The following AARS1 variants were observed in gnomAD, a reference collection of about 807,000 sequenced individuals.
AARS1 encodes the protein alanyl-tRNA synthetase 1, also known as alanine--tRNA ligase, cytoplasmic.
In AARS1, 72 loss-of-function variants were observed where a neutral mutation model predicts 108.9. The ratio of observed to expected loss-of-function variants is 0.66; its 90% CI spans 0.55 to 0.80. The LOEUF is 0.80. Ranked by LOEUF, AARS1 falls within the 30% of genes least tolerant of loss-of-function variation. The pLI, the probability that AARS1 is intolerant of heterozygous loss-of-function variation, is 0.00. For missense variants in AARS1, 1,193 were observed against 1,233.2 expected (o/e 0.97, Z 0.49); for synonymous variants, 489 against 465.7 (o/e 1.05, Z -0.64).
At chr16:70,274,172 T>C (rs1011149676) in intron 4 of AARS1, among the ~76,000 whole-genome samples, 1 of 125,442 alleles carries the variant, frequency 8.0e-6, no homozygotes, top group Non-Finnish European at 1.7e-5. Context: ...CCGTCTCTAC[T>C]AAGAAAAAAA....
At chr16:70,268,155 G>A (rs1960310521) in intron 8 of AARS1, 116 bp downstream of exon 8, 1 of 985,214 alleles carries the variant, frequency 1.0e-6, no homozygotes, top group Admixed American at 2.0e-5. Context: ...GTGACAGAGT[G>A]AGACTCCGTC....
chr16:70,265,744 G>A, intron 9 of AARS1, 82 bp from the exon 10 acceptor site: 1 of 1,571,980 alleles, frequency 6.4e-7, no homozygotes, highest in South Asian at 1.1e-5. Flanking sequence ...TGCTGGGACT[G>A]GCAGAAGGAA....
chr16:70,269,880 G>T, intron 6 of AARS1, 117 bp from the exon 7 acceptor site: 3 of 1,376,676 alleles, frequency 2.2e-6, no homozygotes, highest in Non-Finnish European at 3.1e-6. Context: ...GGTCTTGCCA[G>T]ATCCTATAAC....
chr16:70,271,685 A>T, intron 5 of AARS1, 96 bp downstream of exon 5: 1 of 1,267,378 alleles, frequency 7.9e-7, no homozygotes, highest in Non-Finnish European at 1.1e-6. Context: ...AGAAATAAAG[A>T]AATGAGCTTT....
intron 2 of AARS1, among the ~76,000 whole-genome samples, chr16:70,278,614 C>A (rs1440963178): frequency 6.6e-6 from 1 of 151,778 alleles, no homozygotes; most frequent in Non-Finnish European, 1.5e-5. Context: ...AAATTCTGTT[C>A]CTCAGTCACA....
chr16:70,260,023 C>T (rs138666229), intron 13 of AARS1, among the ~76,000 whole-genome samples: 10,879 of 152,178 alleles, frequency 0.071, 1,308 homozygotes, highest in African/African-American at 0.25. Flanking sequence ...CTGCTCGCCT[C>T]GGCCTCCCAA....
Position 70,272,293 on chromosome 16 carries a change from T to G in AARS1, c.480-321A>C, listed in dbSNP as rs1400645219. ...GCCGAGGCGGGCGGATCACCTGAGGTTGGGAGTTTGAGACCAGCCTCATCA... is the reference window on the plus strand; with the variant it reads ...GCCGAGGCGGGCGGATCACCTGAGGGTGGGAGTTTGAGACCAGCCTCATCA... On this transcript the variant is annotated intron_variant, in intron 4 of 20. Transcript: ENST00000261772. 2.6e-5 allele frequency among the ~76,000 whole-genome samples: 4 copies of G among 151,110 alleles called. No individual in the cohort carries two copies. In the East Asian group the frequency reaches 7.8e-4, roughly 29 times the overall value.
chr16:70,257,343 A>G (rs1471436633), intron 15 of AARS1, among the ~76,000 whole-genome samples: 1 of 152,092 alleles, frequency 6.6e-6, no homozygotes, highest in Non-Finnish European at 1.5e-5. Context: ...CGAAGCCAGG[A>G]GGTAGAGGTT....
intron 1 of AARS1, among the ~76,000 whole-genome samples, chr16:70,285,083 G>C (rs1398366775): frequency 6.6e-6 from 1 of 152,144 alleles, no homozygotes; most frequent in African/African-American, 2.4e-5. Flanking sequence ...ACAAAAATTA[G>C]CCGGGAATGA....
rs753398589 is a variant in AARS1 at position 70,252,753 on chromosome 16, C to T, written c.2875G>A (p.Ala959Thr). ...QEALQLATSF[A>T]QLRLGDVKN ...TTTACATCCCCGAGGCGCAGCTGGGCGAAGGAAGTGGCCAGCTGCAGCGCC... is the reference window on the plus strand; with the variant it reads ...TTTACATCCCCGAGGCGCAGCTGGGTGAAGGAAGTGGCCAGCTGCAGCGCC... Residue 959 changes from alanine (A) to threonine (T), a missense_variant, in exon 21 of 21, where the codon GCC (alanine) becomes ACC (threonine). Coordinates refer to ENST00000261772, the MANE Select transcript of AARS1 (RefSeq NM_001605.3). The T allele has an allele frequency of 2.5e-6, 4 of 1,614,160 alleles. No individual in the cohort carries two copies. The highest frequency in any genetic ancestry group is 2.5e-6 in the Non-Finnish European group (3 of 1,180,042).
chr16:70,286,069 T>C (rs1960830617), intron 1 of AARS1, among the ~76,000 whole-genome samples: 1 of 152,306 alleles, frequency 6.6e-6, no homozygotes, highest in Admixed American at 6.6e-5. Flanking sequence ...AACTGCAGTA[T>C]TGTGTAAAAG....
At position 70,277,147 on chromosome 16, in the gene AARS1, G is replaced by A; in HGVS notation, c.152C>T (p.Pro51Leu). Residue 51 changes from proline to leucine, a missense_variant, in exon 3 of 21, where the codon CCC becomes CTC. By Grantham distance (98) the Pro-to-Leu change is moderately conservative (BLOSUM62 -3). Transcript: ENST00000261772. ...FANAGMNQFK[P>L]IFLNTIDPSH... ...TGGGTCAATTGTGTTCAGGAAAATG[G>A]GTTTAAACTAAAAGAGAAGGACAGC... The A allele has an allele frequency of 6.2e-7, 1 of 1,614,104 alleles. No homozygotes were observed. The highest frequency in any genetic ancestry group is 8.5e-7 in the Non-Finnish European group (1 of 1,180,016).
chr16:70,255,135 G>C (rs55819743), intron 16 of AARS1, among the ~76,000 whole-genome samples: 2 of 151,126 alleles, frequency 1.3e-5, no homozygotes, highest in Admixed American at 1.3e-4. Context: ...ATGCCACAGC[G>C]AATCTATGTC....
Position 70,269,631 on chromosome 16 carries a change from T to C in AARS1, c.949A>G (p.Asn317Asp), listed in dbSNP as rs781103792. The change falls in exon 7 of 21, where the codon AAC becomes GAC. Residue 317 changes from asparagine to aspartate, a missense_variant. By Grantham distance (23) the Asn-to-Asp change is conservative. Coordinates refer to ENST00000261772, the MANE Select transcript of AARS1 (RefSeq NM_001605.3). Reference protein sequence around the residue: ...VALADGGRPDNTGRGYVLRRI... With the variant: ...VALADGGRPDDTGRGYVLRRI... Reference sequence around the variant, plus strand: ...CAGCATACTTACCCACGCCCTGTGTTGTCAGGCCGGCCACCATCAGCCAGT... The same window carrying C: ...CAGCATACTTACCCACGCCCTGTGTCGTCAGGCCGGCCACCATCAGCCAGT... The C allele has an allele frequency of 6.2e-7, 1 of 1,614,076 alleles. No individual in the cohort carries two copies.
intron 1 of AARS1, among the ~76,000 whole-genome samples, chr16:70,289,097 A>T (rs967407697): frequency 6.6e-6 from 1 of 152,162 alleles, no homozygotes; most frequent in Non-Finnish European, 1.5e-5. Context: ...TGGCTGGCTT[A>T]CAGCAGGATT....
chr16:70,270,694 G>A (rs541798094), intron 5 of AARS1, among the ~76,000 whole-genome samples: 5 of 151,166 alleles, frequency 3.3e-5, no homozygotes, highest in South Asian at 2.1e-4. Context: ...AAAATTAGCC[G>A]AGCATGGTGG....
rs201097032 is a variant in AARS1 at position 70,258,092 on chromosome 16, C to A, written c.2118G>T (p.Leu706Phe). ...VVSIGVPVSE[L>F]LDDPSGPAGS... ...CAGCAGGCCCAGAGGGGTCATCCAG[C>A]AACTCGGACACCGGGACCCCAATGG... Residue 706 changes from leucine (L) to phenylalanine (F), a missense_variant, in exon 15 of 21, where the codon TTG becomes TTT. Leu to Phe is a conservative substitution (Grantham distance 22). Coordinates refer to ENST00000261772, the MANE Select transcript of AARS1 (RefSeq NM_001605.3). The A allele has an allele frequency of 1.2e-6, 2 of 1,614,022 alleles. No individual in the cohort carries two copies. The highest frequency in any genetic ancestry group is 1.7e-5 in the Admixed American group (1 of 59,996).
intron 1 of AARS1, among the ~76,000 whole-genome samples, chr16:70,287,823 G>T (rs576684098): frequency 6.6e-6 from 1 of 152,146 alleles, no homozygotes; most frequent in African/African-American, 2.4e-5. Context: ...GAGTGCAATG[G>T]TGCGCAACCT....
At chr16:70,265,706 C>G (rs775363791) in intron 9 of AARS1, 44 bp from the exon 10 acceptor site, 3 of 1,609,782 alleles carry the variant, frequency 1.9e-6, no homozygotes. Context: ...CAGACAGCCC[C>G]TTTTCCATGC....
Sources: gnomAD v4.1 joint callset for allele counts (sites outside exome capture counted in the v4.1 genomes callset) on GRCh38, gnomAD v4.1.1 for gene constraint, MANE v1.5 for transcripts, NCBI Gene and HGNC (gene_info 2026-07-23, HGNC 2026-07-21) for gene names.